CCSER1: variants seen among roughly 807,000 people sequenced by gnomAD.
CCSER1 encodes the protein coiled-coil serine rich protein 1.
Under a neutral mutation model 82.0 loss-of-function variants are expected in CCSER1, and 41 were observed. The ratio of observed to expected loss-of-function variants is 0.50; its 90% CI spans 0.39 to 0.65. The LOEUF (loss-of-function observed/expected upper bound fraction) is 0.65, where lower values mean the gene tolerates loss of function less well. CCSER1 is among the 30% of genes least tolerant of loss of function. The pLI is 0.00. For synonymous variants in CCSER1, 414 were observed against 383.9 expected, an observed-to-expected ratio of 1.08 and a Z score of -0.92; for missense variants, 1,119 against 1,064.2, an observed-to-expected ratio of 1.05 and a Z score of -0.72.
In CCSER1 at chr4:90,323,532, A is replaced by G. The variant is rs534189003; in HGVS notation, c.1509+10485A>G. 1.1e-4 allele frequency among the ~76,000 whole-genome samples: 16 copies of G among 152,240 alleles called. 1 individual carries two copies. The South Asian group carries it at 2.3e-3, about 22-fold the overall frequency. On this transcript the variant is annotated intron_variant, in intron 3 of 10. Coordinates refer to ENST00000509176, the MANE Select transcript of CCSER1 (RefSeq NM_001145065.2). ...TTGTGTTCTCTTGTGACAAGACAGC[A>G]CCGAGTCCCAATGCAAAGCCTCACA...
chr4:90,889,916 C>G (rs983386712), intron 8 of CCSER1, among the ~76,000 whole-genome samples: 1 of 152,008 alleles, frequency 6.6e-6, no homozygotes, highest in African/African-American at 2.4e-5. Flanking sequence ...TAGATAGGCT[C>G]AAAAAATACT....
chr4:90,702,694 G>A (rs58561134), intron 6 of CCSER1, among the ~76,000 whole-genome samples: 3,025 of 152,246 alleles, frequency 0.02, 82 homozygotes, highest in African/African-American at 0.062. Flanking sequence ...TCCTGGTTTA[G>A]TCTTGGGAGG....
intron 9 of CCSER1, among the ~76,000 whole-genome samples, chr4:90,960,338 C>T (rs11943450): frequency 0.027 from 4,160 of 152,194 alleles, 189 homozygotes; most frequent in African/African-American, 0.095. Flanking sequence ...CATGAAATGC[C>T]TTGTTTCTAA....
At chr4:90,301,733 A>C (rs566464097) in intron 1 of CCSER1, among the ~76,000 whole-genome samples, 42 of 152,216 alleles carry the variant, frequency 2.8e-4, no homozygotes, top group African/African-American at 9.1e-4. Context: ...GAGAAATATT[A>C]GATAAGAATT....
intron 10 of CCSER1, among the ~76,000 whole-genome samples, chr4:91,272,594 T>C (rs180894849): frequency 6.0e-4 from 91 of 152,350 alleles, no homozygotes; most frequent in Non-Finnish European, 1.1e-3. Context: ...AAAACCTCTT[T>C]AGTTTAATTA....
At chr4:90,160,492 T>G (rs1578254077) in intron 1 of CCSER1, among the ~76,000 whole-genome samples, 2 of 152,278 alleles carry the variant, frequency 1.3e-5, no homozygotes, top group East Asian at 3.9e-4. Context: ...ATGAGAGTTT[T>G]CAAAACAAAG....
At chr4:91,437,385 G>A (rs1013001138) in intron 10 of CCSER1, among the ~76,000 whole-genome samples, 5 of 152,056 alleles carry the variant, frequency 3.3e-5, no homozygotes, top group South Asian at 2.1e-4. Flanking sequence ...ATATTGAGGC[G>A]CTATTCTGCA....
At chr4:91,521,888 G>A (rs1252479900) in intron 10 of CCSER1, among the ~76,000 whole-genome samples, 1 of 152,150 alleles carries the variant, frequency 6.6e-6, no homozygotes, top group Admixed American at 6.5e-5. Flanking sequence ...AGTTTAATTA[G>A]ATCTCATTTG....
chr4:90,924,443 C>T (rs1185827033), intron 9 of CCSER1, among the ~76,000 whole-genome samples: 1 of 151,774 alleles, frequency 6.6e-6, no homozygotes, highest in African/African-American at 2.4e-5. Flanking sequence ...TGTTTATATA[C>T]CTTATTTTCT....
At chr4:91,497,721 TG>T (rs1759000450) in intron 10 of CCSER1, among the ~76,000 whole-genome samples, 2 of 152,022 alleles carry the variant, frequency 1.3e-5, no homozygotes, top group Admixed American at 6.6e-5. Flanking sequence ...AGTTTGACTT[TG>T]TTTTTTAAAA....
chr4:90,476,804 G>A (rs1049527701), intron 5 of CCSER1, among the ~76,000 whole-genome samples: 19 of 152,030 alleles, frequency 1.2e-4, no homozygotes, highest in African/African-American at 4.4e-4. Context: ...ACCCTGTCAA[G>A]GCAAGAAATC....
chr4:91,089,533 C>G (rs1723727493), intron 10 of CCSER1, among the ~76,000 whole-genome samples: 1 of 152,160 alleles, frequency 6.6e-6, no homozygotes, highest in South Asian at 2.1e-4. Context: ...AGTGGGAATT[C>G]TCACTTTCAT....
intron 3 of CCSER1, among the ~76,000 whole-genome samples, chr4:90,339,111 A>G (rs1160169925): frequency 6.6e-6 from 1 of 152,236 alleles, no homozygotes; most frequent in Non-Finnish European, 1.5e-5. Flanking sequence ...TTCTTTCTAT[A>G]GAACTCCAGA....
intron 1 of CCSER1, among the ~76,000 whole-genome samples, chr4:90,270,183 C>T (rs925532002): frequency 6.6e-6 from 1 of 151,858 alleles, no homozygotes; most frequent in African/African-American, 2.4e-5. Context: ...GCCAGCATTA[C>T]CTCAATACCA....
At chr4:90,343,216 A>G (rs1047988535) in intron 3 of CCSER1, among the ~76,000 whole-genome samples, 1 of 152,140 alleles carries the variant, frequency 6.6e-6, no homozygotes, top group Non-Finnish European at 1.5e-5. Flanking sequence ...GTCATTTATC[A>G]TATCCTTTTA....
chr4:91,073,935 A>C (rs2148775936), intron 9 of CCSER1, among the ~76,000 whole-genome samples: 1 of 152,242 alleles, frequency 6.6e-6, no homozygotes, highest in African/African-American at 2.4e-5. Context: ...AGGCAAGCAA[A>C]GACCCAGAGA....
chr4:90,326,491 A>C (rs1294649550), intron 3 of CCSER1, among the ~76,000 whole-genome samples: 2 of 151,928 alleles, frequency 1.3e-5, no homozygotes, highest in Non-Finnish European at 2.9e-5. Flanking sequence ...ATATATATAT[A>C]TCTTCTGTTG....
chr4:90,645,641 C>G (rs1473751864), intron 6 of CCSER1, among the ~76,000 whole-genome samples: 1 of 152,096 alleles, frequency 6.6e-6, no homozygotes, highest in Admixed American at 6.6e-5. Flanking sequence ...TTTTGTTTAA[C>G]TTAACTCTTG....
At chr4:90,234,876 G>T (rs1745476144) in intron 1 of CCSER1, among the ~76,000 whole-genome samples, 1 of 152,146 alleles carries the variant, frequency 6.6e-6, no homozygotes, top group Non-Finnish European at 1.5e-5. Context: ...ATGGCTGGCT[G>T]TAAGTTCCAT....
Sources: gnomAD v4.1 joint callset for allele counts (sites outside exome capture counted in the v4.1 genomes callset) on GRCh38, gnomAD v4.1.1 for gene constraint, MANE v1.5 for transcripts, NCBI Gene and HGNC (gene_info 2026-07-23, HGNC 2026-07-21) for gene names.